Variants in ZNF516 observed in about 807,000 individuals in gnomAD.
The protein encoded by ZNF516 is zinc finger protein 516.
In ZNF516, 19 loss-of-function variants were observed where a neutral mutation model predicts 79.7. The observed-to-expected ratio is 0.24, with a 90% CI of 0.17 to 0.35. ZNF516 has a LOEUF of 0.35. Among genes scored for constraint, ZNF516 ranks in the 10% least tolerant of loss-of-function variants. The pLI, the probability that ZNF516 is intolerant of heterozygous loss-of-function variation, is 1.00. For synonymous variants in ZNF516, 877 were observed against 739.5 expected (o/e 1.19, Z -3.02); for missense variants, 1,678 against 1,679.5 (o/e 1.00, Z 0.02).
intron 3 of ZNF516, among the ~76,000 whole-genome samples, chr18:76,432,926 G>A (rs1401488077): frequency 6.6e-6 from 1 of 152,234 alleles, no homozygotes; most frequent in African/African-American, 2.4e-5. Context: ...CACGAGGCGT[G>A]TAGGGCCAGA....
chr18:76,453,912 A>T (rs1388547561), intron 2 of ZNF516, among the ~76,000 whole-genome samples: 1 of 152,252 alleles, frequency 6.6e-6, no homozygotes, highest in African/African-American at 2.4e-5. Context: ...GCAGCAAAGA[A>T]CAATGTTCGC....
At chr18:76,483,460 G>A in intron 1 of ZNF516, among the ~76,000 whole-genome samples, 1 of 152,116 alleles carries the variant, frequency 6.6e-6, no homozygotes, top group Non-Finnish European at 1.5e-5. Flanking sequence ...GCTCCCTCTC[G>A]GCATCTGTCC....
chr18:76,364,199 A>G (rs1476742685), intron 6 of ZNF516, among the ~76,000 whole-genome samples: 1 of 152,250 alleles, frequency 6.6e-6, no homozygotes, highest in African/African-American at 2.4e-5. Flanking sequence ...ACAAATCCAG[A>G]TGCAGAGACG....
At chr18:76,469,838 T>C (rs1393492463) in intron 1 of ZNF516, among the ~76,000 whole-genome samples, 2 of 152,148 alleles carry the variant, frequency 1.3e-5, no homozygotes, top group African/African-American at 2.4e-5. Flanking sequence ...ATAGCTAAAA[T>C]GGTAAACTTT....
chr18:76,431,652 C>T (rs1599078015), intron 3 of ZNF516, among the ~76,000 whole-genome samples: 1 of 152,180 alleles, frequency 6.6e-6, no homozygotes, highest in East Asian at 1.9e-4. Flanking sequence ...TGAGTTCACG[C>T]GAGATCTGGC....
chr18:76,440,761 T>TGTGTGTGTGTGTGTGTGTGTGTGC (rs571461431), intron 3 of ZNF516, among the ~76,000 whole-genome samples: 12 of 150,144 alleles, frequency 8.0e-5, no homozygotes, highest in South Asian at 4.2e-4. Flanking sequence ...TGTGTGTGTG[T>TGTGTGTGTGTGTGTGTGTGTGTGC]GCGCGCACGC....
chr18:76,490,259 C>A, intron 1 of ZNF516: 4 of 942,210 alleles, frequency 4.2e-6, no homozygotes, highest in South Asian at 4.9e-5. Flanking sequence ...CGGCAGGCTC[C>A]TACGCAACTT....
intron 6 of ZNF516, among the ~76,000 whole-genome samples, chr18:76,364,946 G>A (rs1389735639): frequency 2.0e-5 from 3 of 152,256 alleles, no homozygotes; most frequent in Non-Finnish European, 4.4e-5. Context: ...TGGAAAATGT[G>A]TTTTAAGATG....
chr18:76,379,813 G>A lies in ZNF516; in HGVS notation c.2301C>T (p.His767=), dbSNP rs986121875. 5.6e-6 allele frequency: 9 copies of A among 1,613,826 alleles called. No homozygotes were observed. Among genetic ancestry groups the A allele is most frequent in the Non-Finnish European group, 7.6e-6 (9 of 1,179,846 alleles). The change falls in exon 4 of 7, where the codon CAC becomes CAT. Residue 767 remains histidine (H), a synonymous_variant. Coordinates refer to ENST00000443185, the MANE Select transcript of ZNF516 (RefSeq NM_014643.4). ...LVVHPCPYCS[H]KTYYPEVLWM... is the part of the protein sequence containing the mutation. The stretch of plus-strand genomic sequence containing the variant: ...ACAGGACCTCGGGGTAGTAGGTCTT[G>A]TGGCTGCAGTAAGGACACGGGTGAA...
At chr18:76,397,009 T>A (rs2145187019) in intron 3 of ZNF516, among the ~76,000 whole-genome samples, 1 of 152,110 alleles carries the variant, frequency 6.6e-6, no homozygotes, top group East Asian at 1.9e-4. Context: ...CACAAAAAAA[T>A]AACCCAGACA....
At chr18:76,367,101 G>C (rs968563758) in intron 6 of ZNF516, among the ~76,000 whole-genome samples, 1 of 152,170 alleles carries the variant, frequency 6.6e-6, no homozygotes, top group African/African-American at 2.4e-5. Context: ...ATTCTATCTG[G>C]AAATGTTTTA....
Position 76,493,298 on chromosome 18 carries a change from C to T in ZNF516, c.-272+1846G>A, listed in dbSNP as rs1297023105. 1 of 322,478 alleles carries T rather than the reference C, an allele frequency of 3.1e-6. No homozygotes were observed. The highest frequency in any genetic ancestry group is 4.0e-6 in the Non-Finnish European group (1 of 249,430). The allele number at this position is 322,478 out of a possible 1,614,324, so 20.0% of individuals were successfully genotyped here. On this transcript the variant is annotated intron_variant, in intron 1 of 6. Transcript: ENST00000443185. This position sits in a 1 kb window ranked among gnomAD's most constrained non-coding sequence, Gnocchi z 5.2. The stretch of plus-strand genomic sequence containing the variant: ...GGGAGTGGAGGCGGAAAGGGAGCTC[C>T]GAGAAAGAAGGAGGGGTCATTCCGC...
At chr18:76,421,668 A>T (rs570867667) in intron 3 of ZNF516, among the ~76,000 whole-genome samples, 3 of 152,240 alleles carry the variant, frequency 2.0e-5, no homozygotes, top group Non-Finnish European at 4.4e-5. Context: ...CCTATGGGTG[A>T]ACAACATCCC....
chr18:76,389,941 A>G (rs1030952070), intron 3 of ZNF516, among the ~76,000 whole-genome samples: 1 of 152,216 alleles, frequency 6.6e-6, no homozygotes, highest in African/African-American at 2.4e-5. Context: ...GATAGTGGGC[A>G]GCACGCAGTT....
chr18:76,491,483 T>G (rs1599174057), intron 1 of ZNF516, among the ~76,000 whole-genome samples: 1 of 127,994 alleles, frequency 7.8e-6, no homozygotes, highest in Admixed American at 8.0e-5. Flanking sequence ...GGGCTGTGGG[T>G]CCGTCTCTTT....
At chr18:76,496,390 G>C, upstream of ZNF516, 1 of 1,289,642 alleles carries the variant, frequency 7.8e-7, no homozygotes, top group Non-Finnish European at 1.0e-6. Flanking sequence ...CAATCCTGGC[G>C]GTTACCTCAG....
chr18:76,370,401 T>G, intron 6 of ZNF516, 127 bp downstream of exon 6: 1 of 917,716 alleles, frequency 1.1e-6, no homozygotes, highest in East Asian at 2.8e-5. Context: ...AGTCAAAGCA[T>G]ATAGGATTAT....
At chr18:76,422,285 C>A (rs540184636) in intron 3 of ZNF516, among the ~76,000 whole-genome samples, 1 of 152,182 alleles carries the variant, frequency 6.6e-6, no homozygotes, top group Admixed American at 6.5e-5. Context: ...CTGCGGAGAG[C>A]GGGCCGGTCC....
chr18:76,491,572 G>T (rs1483511115), intron 1 of ZNF516: 1 of 152,442 alleles, frequency 6.6e-6, no homozygotes, highest in African/African-American at 2.5e-5. Context: ...GGCGCCGGGG[G>T]GCGGGGGCGG....
Sources: gnomAD v4.1 joint callset for allele counts (sites outside exome capture counted in the v4.1 genomes callset) on GRCh38, gnomAD v4.1.1 for gene constraint, Gnocchi (gnomAD v3.1) non-coding constraint, MANE v1.5 for transcripts, NCBI Gene and HGNC (gene_info 2026-07-23, HGNC 2026-07-21) for gene names.